Variants in STARD13 observed in about 807,000 individuals in gnomAD.
STARD13 encodes stAR-related lipid transfer protein 13.
In STARD13, 62 loss-of-function variants were observed where a neutral mutation model predicts 106.4. The ratio of observed to expected loss-of-function variants is 0.58; its 90% confidence interval spans 0.48 to 0.72. STARD13 has a LOEUF of 0.72. Among genes scored for constraint, STARD13 ranks in the 30% least tolerant of loss-of-function variants. The pLI is 0.00. For synonymous variants in STARD13, 565 were observed against 553.0 expected (o/e 1.02, Z -0.31); for missense variants, 1,387 against 1,424.0 (o/e 0.97, Z 0.42).
At chr13:33,152,116 G>T (rs1210076080) in intron 3 of STARD13, among the ~76,000 whole-genome samples, 1 of 152,204 alleles carries the variant, frequency 6.6e-6, no homozygotes, top group African/African-American at 2.4e-5. Flanking sequence ...GATATACACA[G>T]AAGATACATA....
chr13:33,623,128 T>C, the STARD13 span, among the ~76,000 whole-genome samples: 2 of 151,904 alleles, frequency 1.3e-5, no homozygotes, highest in Non-Finnish European at 2.9e-5. Flanking sequence ...TAAAAATAAA[T>C]TGACCAAATG....
chr13:33,522,309 C>T, the STARD13 span, among the ~76,000 whole-genome samples: 1 of 152,062 alleles, frequency 6.6e-6, no homozygotes, highest in Non-Finnish European at 1.5e-5. Context: ...ACAGCACCCC[C>T]ATCATCAACA....
intron 1 of STARD13, among the ~76,000 whole-genome samples, chr13:33,228,701 T>G (rs914438986): frequency 2.0e-5 from 3 of 152,244 alleles, no homozygotes; most frequent in Non-Finnish European, 4.4e-5. Context: ...ACCACAGTTT[T>G]ACACCTTCGA....
At chr13:33,242,799 T>C (rs1028771531) in intron 1 of STARD13, among the ~76,000 whole-genome samples, 4 of 152,184 alleles carry the variant, frequency 2.6e-5, no homozygotes, top group African/African-American at 9.7e-5. Flanking sequence ...AATAGTTTTA[T>C]GGTTAAAACT....
chr13:33,172,420 A>G (rs1026752215), intron 1 of STARD13, among the ~76,000 whole-genome samples: 1 of 152,160 alleles, frequency 6.6e-6, no homozygotes, highest in African/African-American at 2.4e-5. Flanking sequence ...TATGGGAGTT[A>G]AAAGAGATTT....
intron 1 of STARD13, among the ~76,000 whole-genome samples, chr13:33,231,827 T>C (rs544278808): frequency 1.3e-5 from 2 of 152,318 alleles, no homozygotes; most frequent in South Asian, 2.1e-4. Context: ...TGATTCAGTG[T>C]CATTTTAGTA....
At chr13:33,655,118 G>A in the STARD13 span, among the ~76,000 whole-genome samples, 1 of 152,204 alleles carries the variant, frequency 6.6e-6, no homozygotes, top group African/African-American at 2.4e-5. Context: ...GACTTTAATG[G>A]GACGAGCAGA....
chr13:33,519,207 T>TC, the STARD13 span, among the ~76,000 whole-genome samples: 3 of 88,528 alleles, frequency 3.4e-5, no homozygotes, highest in African/African-American at 4.8e-5. Flanking sequence ...TCTTGGTAAT[T>TC]TTTTCTTTCT....
chr13:33,548,901 A>C, the STARD13 span, among the ~76,000 whole-genome samples: 1 of 152,188 alleles, frequency 6.6e-6, no homozygotes, highest in Non-Finnish European at 1.5e-5. Context: ...TATGTAAAGA[A>C]AGACAAAATC....
At chr13:33,434,603 A>C in the STARD13 span, among the ~76,000 whole-genome samples, 2 of 152,098 alleles carry the variant, frequency 1.3e-5, no homozygotes, top group African/African-American at 2.4e-5. Flanking sequence ...ACGGATCTGT[A>C]TTCCTCTAGT....
At chr13:33,669,824 A>G in the STARD13 span, among the ~76,000 whole-genome samples, 4 of 151,690 alleles carry the variant, frequency 2.6e-5, no homozygotes, top group African/African-American at 9.7e-5. Flanking sequence ...GTGAGCCACC[A>G]CACCCGGCCA....
chr13:33,584,722 C>G, the STARD13 span, among the ~76,000 whole-genome samples: 1 of 152,044 alleles, frequency 6.6e-6, no homozygotes, highest in Admixed American at 6.6e-5. Context: ...TTAAGACTGT[C>G]CCTGTTCCTC....
At chr13:33,388,769 G>A in the STARD13 span, among the ~76,000 whole-genome samples, 1 of 152,042 alleles carries the variant, frequency 6.6e-6, no homozygotes, top group Admixed American at 6.6e-5. Flanking sequence ...AGATTAGCAG[G>A]CTGAGATCTG....
At chr13:33,152,517 G>T (rs1230234178) in intron 3 of STARD13, among the ~76,000 whole-genome samples, 2 of 151,878 alleles carry the variant, frequency 1.3e-5, no homozygotes, top group African/African-American at 2.4e-5. Context: ...ACCAAACACT[G>T]AACCAAGTTT....
chr13:33,200,760 G>A (rs886871208), intron 1 of STARD13, among the ~76,000 whole-genome samples: 2 of 152,142 alleles, frequency 1.3e-5, no homozygotes, highest in African/African-American at 4.8e-5. Context: ...GGTGGCTCAC[G>A]CCTGTAATCC....
chr13:33,308,419 C>A (rs538412473), intron 1 of STARD13, among the ~76,000 whole-genome samples: 1 of 151,700 alleles, frequency 6.6e-6, no homozygotes, highest in South Asian at 2.1e-4. Context: ...TGCGTATCTG[C>A]ATTTCTTCCA....
rs766570545 is a variant in STARD13 at position 33,106,822 on chromosome 13, A to G, written c.3160T>C (p.Tyr1054His). Residue 1054 changes from tyrosine (Y) to histidine (H), a missense_variant, in exon 13 of 14, where the codon TAC (tyrosine) becomes CAC (histidine). Coordinates refer to ENST00000336934, the MANE Select transcript of STARD13 (RefSeq NM_178006.4). ...GVRAVVMDSQ[Y>H]LIEPCGSGKS... Reference sequence around the variant, plus strand: ...CCAGAGCCACACGGTTCTATCAAGTACTGCGAGTCCATCACCACTGCTCGC... The same window carrying G: ...CCAGAGCCACACGGTTCTATCAAGTGCTGCGAGTCCATCACCACTGCTCGC... 2 of 1,614,198 alleles carry G rather than the reference A, an allele frequency of 1.2e-6. No homozygotes were observed. Among genetic ancestry groups the G allele is most frequent in the East Asian group, 2.2e-5 (1 of 44,886 alleles).
chr13:33,671,555 C>A, the STARD13 span, among the ~76,000 whole-genome samples: 1,103 of 152,040 alleles, frequency 7.3e-3, 14 homozygotes, highest in African/African-American at 0.026. Context: ...CATAGCATGG[C>A]CTCCTGTCTA....
the STARD13 span, among the ~76,000 whole-genome samples, chr13:33,381,081 T>C: frequency 6.6e-6 from 1 of 152,214 alleles, no homozygotes; most frequent in Non-Finnish European, 1.5e-5. Context: ...TATATAGGAA[T>C]GCTATGTTCT....
Sources: gnomAD v4.1 joint callset for allele counts (sites outside exome capture counted in the v4.1 genomes callset) on GRCh38, gnomAD v4.1.1 for gene constraint, MANE v1.5 for transcripts, NCBI Gene and HGNC (gene_info 2026-07-23, HGNC 2026-07-21) for gene names.